The following MYH7B variants were observed in gnomAD, a reference collection of about 807,000 sequenced individuals.
MYH7B encodes the protein myosin heavy chain 7B.
In MYH7B, 205 loss-of-function variants were observed where a neutral mutation model predicts 234.5. The ratio of observed to expected loss-of-function variants is 0.87; its 90% CI spans 0.78 to 0.98. The LOEUF (loss-of-function observed/expected upper bound fraction) is 0.98, where lower values mean the gene tolerates loss of function less well. Ranked by LOEUF, MYH7B falls within the 50% of genes least tolerant of loss-of-function variation. MYH7B has a pLI of 0.00. For synonymous variants in MYH7B, 1,193 were observed against 1,105.0 expected, an observed-to-expected ratio of 1.08 and a Z score of -1.58; for missense variants, 2,652 against 2,633.4, an observed-to-expected ratio of 1.01 and a Z score of -0.15.
At chr20:34,997,590 A>G (rs1259302799) in exon 32 of MYH7B, 1 of 1,613,480 alleles carries the variant, frequency 6.2e-7, no homozygotes, top group African/African-American at 1.3e-5. Context: ...TGAGCTGCGC[A>G]TGGAGGTGGA....
chr20:34,984,338 A>C (rs1011037139), intron 10 of MYH7B, among the ~76,000 whole-genome samples: 1 of 152,136 alleles, frequency 6.6e-6, no homozygotes, highest in Non-Finnish European at 1.5e-5. Context: ...AGGAGGGGGC[A>C]CTTGGGCTGG....
chr20:34,985,696 CGGA>C (rs2082007643), intron 13 of MYH7B, among the ~76,000 whole-genome samples: 1 of 152,160 alleles, frequency 6.6e-6, no homozygotes, highest in African/African-American at 2.4e-5. Flanking sequence ...TAGGTCTTGA[CGGA>C]TGAGCGCAGG....
At chr20:34,990,438 C>T (rs1365523901) in intron 22 of MYH7B, 128 bp downstream of exon 22, 1 of 1,020,238 alleles carries the variant, frequency 9.8e-7, no homozygotes, top group Non-Finnish European at 1.6e-6. Flanking sequence ...TAACTCCTCT[C>T]CACGTGAACA....
In MYH7B at chr20:34,990,935, C is replaced by T; in HGVS notation, c.2066-69C>T. On this transcript the variant is annotated intron_variant, in intron 23 of 44. Coordinates refer to ENST00000262873, the Ensembl canonical transcript of MYH7B. ...TCCCCCTCACCTCGCAGGGTCTCCA[C>T]TGCTGCTTTTTCTCTGGGGCCTGCG... The T allele has an allele frequency of 2.6e-6, 4 of 1,565,900 alleles. No homozygotes were observed. In the Admixed American group the frequency reaches 6.7e-5, roughly 26 times the overall value.
At chr20:34,975,804 C>T (rs901122461) in intron 3 of MYH7B, among the ~76,000 whole-genome samples, 4 of 152,174 alleles carry the variant, frequency 2.6e-5, no homozygotes, top group African/African-American at 9.7e-5. Context: ...CAAGCTCTGC[C>T]TCCCGGGTTC....
chr20:34,969,976 A>C (rs2081778004), intron 2 of MYH7B, among the ~76,000 whole-genome samples: 1 of 152,162 alleles, frequency 6.6e-6, no homozygotes, highest in Non-Finnish European at 1.5e-5. Flanking sequence ...TCATCACAGC[A>C]CTAGGAGGTA....
At chr20:34,990,057 C>T in exon 21 of MYH7B, 4 of 1,614,134 alleles carry the variant, frequency 2.5e-6, no homozygotes, top group South Asian at 1.1e-5. Context: ...AACAAGGATC[C>T]CCTGAATGAG....
chr20:35,002,205 G>GCTC, exon 45 of MYH7B: 1 of 1,518,166 alleles, frequency 6.6e-7, no homozygotes, highest in African/African-American at 1.4e-5. Flanking sequence ...GACCCCCTGG[G>GCTC]CTCTAAAGAG....
At chr20:34,986,318 C>T in intron 14 of MYH7B, 120 bp downstream of exon 14, 1 of 743,660 alleles carries the variant, frequency 1.3e-6, no homozygotes, top group Non-Finnish European at 2.3e-6. Context: ...GGGTCTGTGG[C>T]CTCTCTTCCT....
chr20:34,991,139 C>T lies in MYH7B; in HGVS notation c.2183+18C>T, dbSNP rs766118384. ...CGGCAGCGGTGGGTGACCCCTTCCC[C>T]CTGCCTGCTGCTCCAGGTGGAGGCC... On this transcript the variant is annotated intron_variant, in intron 24 of 44. Transcript: ENST00000262873. 6.4e-7 allele frequency: 1 copy of T among 1,559,116 alleles called. No individual in the cohort carries two copies. The highest frequency in any genetic ancestry group is 8.8e-7 in the Non-Finnish European group (1 of 1,138,656).
Position 34,997,185 on chromosome 20 carries a change from T to G in MYH7B, c.3357+12T>G. 1 of 1,550,278 alleles carries G rather than the reference T, an allele frequency of 6.5e-7. No homozygotes were observed. The highest frequency in any genetic ancestry group is 1.2e-5 in the South Asian group (1 of 84,030). On this transcript the variant is annotated intron_variant, in intron 31 of 44. Coordinates refer to ENST00000262873, the Ensembl canonical transcript of MYH7B. Reference sequence around the variant, plus strand: ...TCAAGGAGCTGCAGGTGCGTGGGGATCGGGTGGGTGAGGCCTGGGGTCAGA... The same window carrying G: ...TCAAGGAGCTGCAGGTGCGTGGGGAGCGGGTGGGTGAGGCCTGGGGTCAGA...
At chr20:34,992,247 G>C (rs554596755) in intron 24 of MYH7B, among the ~76,000 whole-genome samples, 1 of 151,998 alleles carries the variant, frequency 6.6e-6, no homozygotes, top group Non-Finnish European at 1.5e-5. Flanking sequence ...TTAGCCGGGC[G>C]TGGTGGCGGG....
intron 32 of MYH7B, among the ~76,000 whole-genome samples, 173 bp downstream of exon 32, chr20:34,997,813 C>T (rs556205038): frequency 5.9e-5 from 9 of 152,226 alleles, no homozygotes; most frequent in Admixed American, 5.2e-4. Context: ...GACCTTAAGC[C>T]GTGACTCCCA....
rs1411028763 is a variant in MYH7B, at chr20:34,982,406, G to C, written c.528-53G>C. 6 of 1,510,036 alleles carry C rather than the reference G, an allele frequency of 4.0e-6. No individual in the cohort carries two copies. The East Asian group carries it at 9.1e-5, about 23-fold the overall frequency. The allele number at this position is 1,510,036 out of a possible 1,614,324, so 93.5% of individuals were successfully genotyped here. ...GCTTGAGGGGTGAGGCATTGGGGGT[G>C]GGGGAGAATTAGGCCAGATGGGCAT... On this transcript the variant is annotated intron_variant, in intron 9 of 44. Coordinates refer to ENST00000262873, the Ensembl canonical transcript of MYH7B.
chr20:34,992,119 C>T (rs986043328), intron 24 of MYH7B, among the ~76,000 whole-genome samples: 10 of 152,200 alleles, frequency 6.6e-5, no homozygotes, highest in Admixed American at 1.3e-4. Flanking sequence ...GGCGCGGTGG[C>T]TAACGCCTGT....
At position 34,978,115 on chromosome 20, in the gene MYH7B, G is replaced by A. The variant is rs2081886366; in HGVS notation, c.91+19G>A. 6.2e-7 allele frequency: 1 copy of A among 1,613,570 alleles called. No homozygotes were observed. Among genetic ancestry groups the A allele is most frequent in the Admixed American group, 1.7e-5 (1 of 59,992 alleles). ...TGGGACGGTAAGTGGAGACAGAGGG[G>A]GAGGGGTCATAGCCACAGAGATGCC... is the stretch of plus-strand genomic sequence containing the variant. On this transcript the variant is annotated intron_variant, in intron 5 of 44. Transcript: ENST00000262873.
chr20:34,989,114 C>G (rs2082091332), intron 19 of MYH7B, among the ~76,000 whole-genome samples: 1 of 152,196 alleles, frequency 6.6e-6, no homozygotes, highest in Non-Finnish European at 1.5e-5. Context: ...CTGGCCTATC[C>G]ATTTTCTTTT....
chr20:34,988,202 C>T lies in MYH7B; in HGVS notation c.1527C>T (p.Ile509=), dbSNP rs535041511. ...AGGAGGAGTACAAGCGGGAGGGCAT[C>T]GACTGGGTCTTCATCGACTTCGGCC... The change falls in exon 19 of 45, where the codon ATC becomes ATT. Residue 509 remains isoleucine (I), a synonymous_variant. Coordinates refer to ENST00000262873, the Ensembl canonical transcript of MYH7B. 62 of 1,614,148 alleles carry T rather than the reference C, an allele frequency of 3.8e-5. No individual in the cohort carries two copies. In the South Asian group the frequency reaches 4.2e-4, roughly 11 times the overall value.
chr20:34,998,817 G>A, exon 35 of MYH7B: 1 of 1,613,116 alleles, frequency 6.2e-7, no homozygotes, highest in Non-Finnish European at 8.5e-7. Context: ...AGGCTGAGCT[G>A]CAGCGGCTGC....
Sources: gnomAD v4.1 joint callset for allele counts (sites outside exome capture counted in the v4.1 genomes callset) on GRCh38, gnomAD v4.1.1 for gene constraint, MANE v1.5 for transcripts, NCBI Gene and HGNC (gene_info 2026-07-23, HGNC 2026-07-21) for gene names.